Variants in RAP1GAP2 observed in about 807,000 individuals in gnomAD.
RAP1GAP2 encodes the protein rap1 GTPase-activating protein 2.
A neutral mutation model predicts 95.0 loss-of-function variants in RAP1GAP2; 27 were observed. The ratio of observed to expected loss-of-function variants is 0.28; its 90% CI spans 0.21 to 0.39. RAP1GAP2 has a LOEUF of 0.39. RAP1GAP2 is among the 10% of genes least tolerant of loss of function. The probability of loss-of-function intolerance (pLI) is 1.00; values close to 1 mark genes in which losing one functional copy is unlikely to be tolerated. For missense variants in RAP1GAP2, 771 were observed against 970.0 expected (o/e 0.79, Z 2.72); for synonymous variants, 373 against 380.9 (o/e 0.98, Z 0.24).
At chr17:2,980,699 G>A (rs369580309) in intron 9 of RAP1GAP2, among the ~76,000 whole-genome samples, 2 of 152,184 alleles carry the variant, frequency 1.3e-5, no homozygotes, top group African/African-American at 2.4e-5. Context: ...TAGGACTTCC[G>A]TGGAGGGGTG....
chr17:2,885,371 CA>C (rs1473872711), intron 2 of RAP1GAP2, among the ~76,000 whole-genome samples: 1 of 152,220 alleles, frequency 6.6e-6, no homozygotes, highest in Non-Finnish European at 1.5e-5. Context: ...GGAAGGTTCT[CA>C]GCATGCTTTC....
chr17:2,976,619 G>A (rs1232968464), intron 8 of RAP1GAP2, among the ~76,000 whole-genome samples: 1 of 151,988 alleles, frequency 6.6e-6, no homozygotes, highest in African/African-American at 2.4e-5. Context: ...GAGTAAGTAT[G>A]TAGGTCAGGA....
At chr17:2,760,821 A>C (rs1426941455) in intron 1 of RAP1GAP2, among the ~76,000 whole-genome samples, 3 of 152,120 alleles carry the variant, frequency 2.0e-5, no homozygotes, top group Non-Finnish European at 4.4e-5. Flanking sequence ...GTTTTTGAGG[A>C]GTACTGCTCA....
At chr17:2,919,164 CT>C (rs1214650133) in intron 3 of RAP1GAP2, among the ~76,000 whole-genome samples, 1 of 152,138 alleles carries the variant, frequency 6.6e-6, no homozygotes, top group Non-Finnish European at 1.5e-5. Flanking sequence ...ACTCCAAACC[CT>C]GCCTGATAAA....
chr17:2,905,305 C>T lies in RAP1GAP2; in HGVS notation c.102C>T (p.Ser34=), dbSNP rs751171321. 1.2e-6 allele frequency: 2 copies of T among 1,613,808 alleles called. No homozygotes were observed. Among genetic ancestry groups the T allele is most frequent in the Non-Finnish European group, 8.5e-7 (1 of 1,179,776 alleles). Residue 34 remains serine (S), a synonymous_variant, in exon 3 of 25, where the codon AGC becomes AGT. Coordinates refer to ENST00000254695, the MANE Select transcript of RAP1GAP2 (RefSeq NM_015085.5). ...LKVKKQELAN[S]SDATLPDRPL... The stretch of plus-strand genomic sequence containing the variant: ...ACAGGAAGCAGGAGCTGGCCAACAG[C>T]TCGGATGCGACCCTCCCAGACCGGC...
chr17:2,852,253 C>G (rs1484922091), intron 2 of RAP1GAP2, among the ~76,000 whole-genome samples: 1 of 151,860 alleles, frequency 6.6e-6, no homozygotes, highest in African/African-American at 2.4e-5. Context: ...GGAGTGGGGC[C>G]CGGGTCATTC....
chr17:2,780,563 C>G (rs1019441995), intron 1 of RAP1GAP2, among the ~76,000 whole-genome samples: 9 of 152,336 alleles, frequency 5.9e-5, no homozygotes, highest in Admixed American at 2.0e-4. Context: ...GCACCCCCCC[C>G]AGGAGAGGTC....
chr17:2,948,068 C>T (rs902043875), intron 3 of RAP1GAP2, among the ~76,000 whole-genome samples: 3 of 152,124 alleles, frequency 2.0e-5, no homozygotes, highest in Middle Eastern at 3.2e-3. Flanking sequence ...GCGGGAATAA[C>T]GAGGCGATTG....
chr17:3,014,600 A>G (rs2046692451), intron 17 of RAP1GAP2, among the ~76,000 whole-genome samples: 1 of 140,882 alleles, frequency 7.1e-6, no homozygotes. Context: ...CCCAGGCTGG[A>G]GTGCAGTGGT....
chr17:3,004,492 C>T lies in RAP1GAP2; in HGVS notation c.1201-877C>T, dbSNP rs1026076175. Among the ~76,000 whole-genome samples, 6 of 152,304 alleles carry T rather than the reference C, an allele frequency of 3.9e-5. No individual in the cohort carries two copies. In the East Asian group the frequency reaches 7.7e-4, roughly 20 times the overall value. The stretch of plus-strand genomic sequence containing the variant: ...GTGTAGGGAAGGGAGGGCAGTCTCC[C>T]GAGAGCCTCACAGCCTCGTGGGCTG... On this transcript the variant is annotated intron_variant, in intron 14 of 24. Transcript: ENST00000254695. The surrounding 1 kb of genome is among the most constrained non-coding windows in gnomAD (Gnocchi z 4.1).
intron 2 of RAP1GAP2, among the ~76,000 whole-genome samples, chr17:2,893,719 T>C (rs9907207): frequency 0.9 from 137,195 of 152,264 alleles, 61,986 homozygotes; most frequent in African/African-American, 0.94. Flanking sequence ...GCTCCCCCCA[T>C]GGAGGCCAGG....
At position 3,004,097 on chromosome 17, in the gene RAP1GAP2, C is replaced by T. The variant is rs2046257329; in HGVS notation, c.1201-1272C>T. Among the ~76,000 whole-genome samples, 1 of 152,190 alleles carries T rather than the reference C, an allele frequency of 6.6e-6. No homozygotes were observed. The highest frequency in any genetic ancestry group is 1.5e-5 in the Non-Finnish European group (1 of 68,024). ...GGTCTGCAGTCTCCCCATAGCCTTC[C>T]CACACCCCCACCCCTGATTCTGGCT... is the stretch of plus-strand genomic sequence containing the variant. On this transcript the variant is annotated intron_variant, in intron 14 of 24. Transcript: ENST00000254695. This position sits in a 1 kb window ranked among gnomAD's most constrained non-coding sequence, Gnocchi z 4.1.
In RAP1GAP2 at chr17:3,026,399, T is replaced by G; in HGVS notation, c.1915T>G (p.Ser639Ala). The change falls in exon 21 of 25, where the codon TCC becomes GCC. Residue 639 changes from serine (S) to alanine (A), a missense_variant. Ser to Ala is a moderately conservative substitution (Grantham distance 99). Coordinates refer to ENST00000254695, the MANE Select transcript of RAP1GAP2 (RefSeq NM_015085.5). ...CGGCCGTGCCATCTCCCGCTCCTCC[T>G]CCAGCACCAGCAGCGTCAGCAGCAC... ...ENGRAISRSSSSTSSVSSTAG... is the reference protein window; with the variant it reads ...ENGRAISRSSASTSSVSSTAG... 1.3e-6 allele frequency: 2 copies of G among 1,552,580 alleles called. No individual in the cohort carries two copies.
At chr17:2,826,689 G>C (rs1037181117) in intron 2 of RAP1GAP2, among the ~76,000 whole-genome samples, 1 of 152,064 alleles carries the variant, frequency 6.6e-6, no homozygotes, top group Non-Finnish European at 1.5e-5. Flanking sequence ...CTGAGCCCAG[G>C]CATCTAGCCC....
intron 14 of RAP1GAP2, among the ~76,000 whole-genome samples, chr17:2,998,607 G>A (rs1405616080): frequency 1.3e-5 from 2 of 152,162 alleles, no homozygotes. Flanking sequence ...GGAGGTGTGA[G>A]TGTAGTATTT....
chr17:2,886,646 C>T (rs370073275), intron 2 of RAP1GAP2, among the ~76,000 whole-genome samples: 4 of 152,172 alleles, frequency 2.6e-5, no homozygotes, highest in African/African-American at 4.8e-5. Flanking sequence ...CTGTCTCAGG[C>T]GCTTTCCCAC....
intron 2 of RAP1GAP2, chr17:2,854,003 A>C: frequency 7.1e-6 from 7 of 984,548 alleles, no homozygotes; most frequent in Non-Finnish European, 8.4e-6. Context: ...GCCATGTCCC[A>C]GCCCGCGGGG....
chr17:2,778,006 CT>C (rs1325063273), intron 1 of RAP1GAP2, among the ~76,000 whole-genome samples: 11 of 43,346 alleles, frequency 2.5e-4, no homozygotes, highest in East Asian at 2.1e-3. Flanking sequence ...GGCTGGGAGG[CT>C]GGGAGGCGGG....
intron 3 of RAP1GAP2, among the ~76,000 whole-genome samples, chr17:2,930,350 C>T (rs562532407): frequency 6.6e-6 from 1 of 152,332 alleles, no homozygotes; most frequent in East Asian, 1.9e-4. Context: ...CTGGGTAGAC[C>T]CAGAGGGTCA....
Sources: allele counts gnomAD v4.1 joint callset (sites outside exome capture counted in the v4.1 genomes callset), GRCh38; gene constraint gnomAD v4.1.1; non-coding constraint Gnocchi (gnomAD v3.1); transcripts MANE v1.5; gene names NCBI Gene and HGNC (gene_info 2026-07-23, HGNC 2026-07-21).